PAQR5: variants seen among roughly 807,000 people sequenced by gnomAD.
PAQR5 encodes progestin and adipoQ receptor family member 5.
A neutral mutation model predicts 34.5 loss-of-function variants in PAQR5; 20 were observed. The ratio of observed to expected loss-of-function variants is 0.58; its 90% CI spans 0.41 to 0.84. PAQR5 has a LOEUF of 0.84. Among genes scored for constraint, PAQR5 ranks in the 40% least tolerant of loss-of-function variants. The probability of loss-of-function intolerance (pLI) is 0.00; values close to 1 mark genes in which losing one functional copy is unlikely to be tolerated. For missense variants in PAQR5, 378 were observed against 412.7 expected (o/e 0.92, Z 0.73); for synonymous variants, 131 against 155.6 (o/e 0.84, Z 1.18).
At chr15:69,371,661 G>A (rs755311178) in intron 3 of PAQR5, among the ~76,000 whole-genome samples, 15 of 151,968 alleles carry the variant, frequency 9.9e-5, no homozygotes, top group Non-Finnish European at 1.8e-4. Flanking sequence ...AGACATTTTT[G>A]TTTCCTTTTT....
intron 1 of PAQR5, 106 bp downstream of exon 1, chr15:69,299,162 T>C (rs2053463204): frequency 6.6e-6 from 1 of 152,054 alleles, no homozygotes; most frequent in Non-Finnish European, 1.5e-5. Context: ...GTGGAGCCCG[T>C]TGAGCCTGGG....
chr15:69,389,298 T>A (rs1211706559), intron 5 of PAQR5, among the ~76,000 whole-genome samples: 1 of 152,224 alleles, frequency 6.6e-6, no homozygotes. Flanking sequence ...CTTTGTTAAC[T>A]CTCTAGCTGC....
Position 69,359,451 on chromosome 15 carries a change from T to C in PAQR5, c.-115-515T>C, listed in dbSNP as rs1264140428. On this transcript the variant is annotated intron_variant, in intron 2 of 8. Coordinates refer to ENST00000395407, the MANE Select transcript of PAQR5 (RefSeq NM_017705.4). ...AGCAATTCCTGTCCCTTTTAAGGGCTCACAACTCTAAGGGGGTGCGTGTGA... is the reference window on the plus strand; with the variant it reads ...AGCAATTCCTGTCCCTTTTAAGGGCCCACAACTCTAAGGGGGTGCGTGTGA... 2.0e-5 allele frequency among the ~76,000 whole-genome samples: 3 copies of C among 152,044 alleles called. No individual in the cohort carries two copies. The East Asian group carries it at 5.8e-4, about 30-fold the overall frequency.
At chr15:69,343,340 C>T (rs12912172) in intron 2 of PAQR5, among the ~76,000 whole-genome samples, 122,888 of 152,188 alleles carry the variant, frequency 0.81, 52,451 homozygotes, top group Non-Finnish European at 0.96. Context: ...TCTGGGGGAA[C>T]GCCAGGTAAC....
rs939957038 is a variant in PAQR5 at position 69,406,871 on chromosome 15, A to G, written c.*3049A>G. On this transcript the variant is annotated 3_prime_UTR_variant, in exon 9 of 9. Coordinates refer to ENST00000395407, the MANE Select transcript of PAQR5 (RefSeq NM_017705.4). ...GGCAACAGGGCAAGACCCTGCCTCA[A>G]AAAAAAAAAAAAAAGAATTTGTAAT... is the stretch of plus-strand genomic sequence containing the variant. The G allele has an allele frequency of 1.6e-5, 2 of 125,236 alleles. No individual in the cohort carries two copies. Among genetic ancestry groups the G allele is most frequent in the African/African-American group, 3.6e-5 (1 of 27,600 alleles). The allele number at this position is 125,236 out of a possible 1,614,324, so 7.8% of individuals were successfully genotyped here.
chr15:69,356,766 C>T (rs2055089299), intron 2 of PAQR5, among the ~76,000 whole-genome samples: 1 of 152,190 alleles, frequency 6.6e-6, no homozygotes, highest in Non-Finnish European at 1.5e-5. Flanking sequence ...GCTCACTTCA[C>T]TTAGCTTAAG....
intron 2 of PAQR5, among the ~76,000 whole-genome samples, chr15:69,352,932 T>C (rs2054960845): frequency 6.6e-6 from 1 of 152,204 alleles, no homozygotes; most frequent in Non-Finnish European, 1.5e-5. Flanking sequence ...ATGTTAGCAG[T>C]CACCAAAGAG....
At chr15:69,342,948 G>T (rs2054679318) in intron 2 of PAQR5, among the ~76,000 whole-genome samples, 1 of 152,224 alleles carries the variant, frequency 6.6e-6, no homozygotes, top group African/African-American at 2.4e-5. Flanking sequence ...TAAGCAGAAA[G>T]GTGATGCTGG....
At chr15:69,327,564 A>G (rs1423488451) in intron 1 of PAQR5, among the ~76,000 whole-genome samples, 2 of 152,100 alleles carry the variant, frequency 1.3e-5, no homozygotes, top group Admixed American at 1.3e-4. Context: ...AGATTCACTA[A>G]CATTCACCTG....
chr15:69,329,257 A>G (rs2054323395), intron 1 of PAQR5, among the ~76,000 whole-genome samples: 1 of 151,862 alleles, frequency 6.6e-6, no homozygotes, highest in African/African-American at 2.4e-5. Flanking sequence ...AATTTGATAA[A>G]CTCCCTGAGG....
chr15:69,308,730 G>A (rs1474812329), intron 1 of PAQR5, among the ~76,000 whole-genome samples: 2 of 152,228 alleles, frequency 1.3e-5, no homozygotes, highest in East Asian at 3.9e-4. Context: ...AGCAGGGGTG[G>A]AGAGTGGAGG....
chr15:69,403,811 A>C lies in PAQR5; in HGVS notation c.982A>C (p.Lys328Gln). The C allele has an allele frequency of 6.2e-7, 1 of 1,613,914 alleles. No homozygotes were observed. The highest frequency in any genetic ancestry group is 8.5e-7 in the Non-Finnish European group (1 of 1,180,004). The change falls in exon 9 of 9, where the codon AAA becomes CAA. Residue 328 changes from lysine to glutamine, a missense_variant. By Grantham distance (53) the Lys-to-Gln change is moderately conservative. Transcript: ENST00000395407. ...YRIPKPELHK[K>Q]ET ...GATTCCCAAGCCAGAATTACATAAA[A>C]AAGAAACATGACTCAGACCATAAGC...
intron 4 of PAQR5, among the ~76,000 whole-genome samples, chr15:69,382,678 A>G (rs1291425799): frequency 7.6e-5 from 3 of 39,336 alleles, no homozygotes; most frequent in Admixed American, 7.2e-4. Flanking sequence ...ATATATATAT[A>G]TATATATATA....
chr15:69,394,378 G>C (rs765016411), intron 6 of PAQR5, among the ~76,000 whole-genome samples: 104 of 152,120 alleles, frequency 6.8e-4, no homozygotes, highest in South Asian at 1.5e-3. Context: ...ATGGGGAAAT[G>C]TCTACATCCC....
At chr15:69,305,756 C>A (rs920012089) in intron 1 of PAQR5, among the ~76,000 whole-genome samples, 1 of 152,090 alleles carries the variant, frequency 6.6e-6, no homozygotes, top group Admixed American at 6.5e-5. Context: ...CGCAAGGGCA[C>A]GCCTGCGCCG....
chr15:69,368,328 C>T (rs1238472562), intron 3 of PAQR5, among the ~76,000 whole-genome samples: 3 of 152,252 alleles, frequency 2.0e-5, no homozygotes, highest in Non-Finnish European at 4.4e-5. Flanking sequence ...GCTGGGATTA[C>T]AGGCATGAGC....
chr15:69,341,652 T>TG (rs1354965663), intron 2 of PAQR5, among the ~76,000 whole-genome samples: 1 of 152,144 alleles, frequency 6.6e-6, no homozygotes, highest in Non-Finnish European at 1.5e-5. Context: ...CTATGAAAAT[T>TG]GGTTTAGAAA....
At position 69,350,667 on chromosome 15, in the gene PAQR5, T is replaced by TCACA. The variant is rs61320862; in HGVS notation, c.-115-9282_-115-9279dup. ...CAAAAAAATAAAAAAAATTAAAAAATCACACACACACACACACACAAAACA... is the reference window on the plus strand; with the variant it reads ...CAAAAAAATAAAAAAAATTAAAAAATCACACACACACACACACACACACAAAACA... On this transcript the variant is annotated intron_variant, in intron 2 of 8. Coordinates refer to ENST00000395407, the MANE Select transcript of PAQR5 (RefSeq NM_017705.4). 3.2e-4 allele frequency among the ~76,000 whole-genome samples: 48 copies of TCACA among 148,828 alleles called. 1 individual carries two copies. The East Asian group carries it at 5.4e-3, about 17-fold the overall frequency.
chr15:69,353,843 A>C (rs1159617554), intron 2 of PAQR5, among the ~76,000 whole-genome samples: 3 of 152,226 alleles, frequency 2.0e-5, no homozygotes, highest in Admixed American at 6.5e-5. Context: ...ACCAGGAGAC[A>C]CAACAATGAT....
Sources: gnomAD v4.1 joint callset for allele counts (sites outside exome capture counted in the v4.1 genomes callset) on GRCh38, gnomAD v4.1.1 for gene constraint, MANE v1.5 for transcripts, NCBI Gene and HGNC (gene_info 2026-07-23, HGNC 2026-07-21) for gene names.